The following AJAP1 variants were observed in gnomAD, a reference collection of about 807,000 sequenced individuals.
AJAP1 encodes the protein adherens junction-associated protein 1.
In AJAP1, 5 loss-of-function variants were observed where a neutral mutation model predicts 35.0. The observed-to-expected ratio is 0.14, with a 90% CI of 0.07 to 0.30. The LOEUF (loss-of-function observed/expected upper bound fraction) is 0.30. Ranked by LOEUF, AJAP1 falls within the 10% of genes least tolerant of loss-of-function variation. AJAP1 has a pLI of 1.00. For missense variants in AJAP1, 586 were observed against 571.0 expected (o/e 1.03, Z -0.27); for synonymous variants, 284 against 249.3 (o/e 1.14, Z -1.31).
intron 2 of AJAP1, among the ~76,000 whole-genome samples, chr1:4,762,700 C>G (rs993918299): frequency 6.6e-6 from 1 of 152,214 alleles, no homozygotes; most frequent in Non-Finnish European, 1.5e-5. Context: ...TTTCTGAGTT[C>G]TGTGAGTCTC....
chr1:4,744,086 TGA>T (rs1234564780), intron 2 of AJAP1, among the ~76,000 whole-genome samples: 3 of 152,166 alleles, frequency 2.0e-5, no homozygotes, highest in Non-Finnish European at 4.4e-5. Context: ...CAGGGACGTC[TGA>T]GTGTGTAGAT....
chr1:4,679,842 TGTGTGTGTGTAG>T (rs1639444343), intron 1 of AJAP1, among the ~76,000 whole-genome samples: 3 of 131,518 alleles, frequency 2.3e-5, no homozygotes, highest in South Asian at 5.3e-4. Context: ...TGTGTGTGTG[TGTGTGTGTGTAG>T]AGAGAGATAC....
At chr1:4,744,244 C>G (rs979999651) in intron 2 of AJAP1, among the ~76,000 whole-genome samples, 1 of 152,232 alleles carries the variant, frequency 6.6e-6, no homozygotes, top group Admixed American at 6.5e-5. Context: ...TGGTGTGCAG[C>G]CGTTCCTGCT....
chr1:4,673,866 C>T (rs1175109528), intron 1 of AJAP1, among the ~76,000 whole-genome samples: 1 of 151,568 alleles, frequency 6.6e-6, no homozygotes, highest in African/African-American at 2.4e-5. Flanking sequence ...ACTCCTGAGC[C>T]AGGAGCGAGA....
chr1:4,766,741 G>A (rs940542980), intron 2 of AJAP1, among the ~76,000 whole-genome samples: 1 of 152,204 alleles, frequency 6.6e-6, no homozygotes, highest in Non-Finnish European at 1.5e-5. Flanking sequence ...GAATGTGCAG[G>A]TGTGTGGGAT....
At chr1:4,761,651 C>T (rs1462361187) in intron 2 of AJAP1, among the ~76,000 whole-genome samples, 2 of 152,174 alleles carry the variant, frequency 1.3e-5, no homozygotes, top group Admixed American at 6.5e-5. Flanking sequence ...TTGACTCGCA[C>T]GTTCACAAGA....
chr1:4,703,047 C>T (rs1035425631), intron 1 of AJAP1, among the ~76,000 whole-genome samples: 7 of 152,174 alleles, frequency 4.6e-5, no homozygotes, highest in Non-Finnish European at 1.0e-4. Context: ...CGCATGCGCG[C>T]TGGACGTGTC....
At chr1:4,746,875 G>T (rs1459616118) in intron 2 of AJAP1, among the ~76,000 whole-genome samples, 1 of 152,182 alleles carries the variant, frequency 6.6e-6, no homozygotes, top group African/African-American at 2.4e-5. Context: ...CTGGTGGTAC[G>T]ACACCTCCTA....
At chr1:4,711,779 G>A in intron 1 of AJAP1, 121 bp from the exon 2 acceptor site, 1 of 744,306 alleles carries the variant, frequency 1.3e-6, no homozygotes, top group Non-Finnish European at 2.1e-6. Context: ...GTTAGGAGGA[G>A]CTCTTTCCAG....
In AJAP1 at chr1:4,655,969, G is replaced by A. The variant is rs1334140657; in HGVS notation, c.29+515G>A. 6.6e-6 allele frequency among the ~76,000 whole-genome samples: 1 copy of A among 152,040 alleles called. No individual in the cohort carries two copies. Among genetic ancestry groups the A allele is most frequent in the Non-Finnish European group, 1.5e-5 (1 of 67,966 alleles). ...TCCTTTCTCGGGGCCCCGGGGCTGA[G>A]CAGGGGCCTCCCAGGCTCCCAGCTG... On this transcript the variant is annotated intron_variant, in intron 1 of 5. Coordinates refer to ENST00000378191, the MANE Select transcript of AJAP1 (RefSeq NM_018836.4). The surrounding 1 kb of genome is among the most constrained non-coding windows in gnomAD (Gnocchi z 6.9).
At chr1:4,663,130 GT>G (rs1327305660) in intron 1 of AJAP1, among the ~76,000 whole-genome samples, 3 of 152,118 alleles carry the variant, frequency 2.0e-5, no homozygotes, top group East Asian at 1.9e-4. Flanking sequence ...GCATCATTTT[GT>G]TTTTATTTTA....
intron 1 of AJAP1, among the ~76,000 whole-genome samples, chr1:4,662,943 C>T (rs891168967): frequency 5.3e-5 from 8 of 152,220 alleles, no homozygotes; most frequent in African/African-American, 1.7e-4. Flanking sequence ...GGGAGAGGGT[C>T]AGTGGTCTCT....
intron 1 of AJAP1, among the ~76,000 whole-genome samples, chr1:4,697,747 A>G (rs1055326464): frequency 6.6e-6 from 1 of 152,210 alleles, no homozygotes; most frequent in Admixed American, 6.5e-5. Flanking sequence ...GTCTAACAAG[A>G]TGGTCCCAGG....
rs78536703 is a variant in AJAP1, at chr1:4,692,496, C to G, written c.30-19404C>G. 2.3e-3 allele frequency among the ~76,000 whole-genome samples: 357 copies of G among 152,318 alleles called. No homozygotes were observed. The highest frequency in any genetic ancestry group is 7.7e-3 in the African/African-American group (320 of 41,558). ...CAAGGAAGCACCTGCCCCCAAATTC[C>G]CCACCCCAGGCATCCGGGAGGAACT... On this transcript the variant is annotated intron_variant, in intron 1 of 5. Coordinates refer to ENST00000378191, the MANE Select transcript of AJAP1 (RefSeq NM_018836.4). This position sits in a 1 kb window ranked among gnomAD's most constrained non-coding sequence, Gnocchi z 4.4.
chr1:4,720,921 C>T lies in AJAP1; in HGVS notation c.829+8222C>T, dbSNP rs1356304867. 1.3e-5 allele frequency among the ~76,000 whole-genome samples: 2 copies of T among 152,194 alleles called. No homozygotes were observed. Among genetic ancestry groups the T allele is most frequent in the Admixed American group, 6.5e-5 (1 of 15,284 alleles). ...CTCAGGAAGCCCTCAGCCTGGCTCC[C>T]TTAATGTGCCAGGTCAACACACCTG... On this transcript the variant is annotated intron_variant, in intron 2 of 5. Coordinates refer to ENST00000378191, the MANE Select transcript of AJAP1 (RefSeq NM_018836.4). The surrounding 1 kb of genome is among the most constrained non-coding windows in gnomAD (Gnocchi z 4.4).
chr1:4,753,493 GGTA>G (rs1405767429), intron 2 of AJAP1, among the ~76,000 whole-genome samples: 1 of 148,586 alleles, frequency 6.7e-6, no homozygotes, highest in African/African-American at 2.6e-5. Context: ...TTATATATAA[GGTA>G]GTAGTATTTA....
At chr1:4,691,112 C>T (rs1316380974) in intron 1 of AJAP1, among the ~76,000 whole-genome samples, 2 of 152,154 alleles carry the variant, frequency 1.3e-5, no homozygotes, top group African/African-American at 4.8e-5. Context: ...GACTCATGGC[C>T]GTGAGCTCAC....
intron 1 of AJAP1, among the ~76,000 whole-genome samples, chr1:4,698,262 C>T (rs1005846115): frequency 6.6e-5 from 10 of 152,140 alleles, no homozygotes; most frequent in Non-Finnish European, 1.3e-4. Context: ...GACATGTTGC[C>T]CCCACGCCGC....
intron 2 of AJAP1, among the ~76,000 whole-genome samples, chr1:4,730,324 G>A (rs1304870511): frequency 6.6e-6 from 1 of 152,196 alleles, no homozygotes; most frequent in Non-Finnish European, 1.5e-5. Flanking sequence ...AAACAAAATA[G>A]CACACAGACA....
Sources: allele counts gnomAD v4.1 joint callset (sites outside exome capture counted in the v4.1 genomes callset), GRCh38; gene constraint gnomAD v4.1.1; non-coding constraint Gnocchi (gnomAD v3.1); transcripts MANE v1.5; gene names NCBI Gene and HGNC (gene_info 2026-07-23, HGNC 2026-07-21).